SNTG2: variants seen among roughly 807,000 people sequenced by gnomAD.
The protein encoded by SNTG2 is syntrophin gamma 2.
In SNTG2, 74 loss-of-function variants were observed where a neutral mutation model predicts 70.9. That is an observed-to-expected ratio of 1.04 (90% CI 0.86 to 1.27). The LOEUF is 1.27. Ranked by LOEUF, SNTG2 falls within the 50% of genes most tolerant of loss-of-function variation. SNTG2 has a pLI of 0.00. For missense variants in SNTG2, 717 were observed against 690.7 expected, an observed-to-expected ratio of 1.04 and a Z score of -0.43; for synonymous variants, 278 against 273.8, an observed-to-expected ratio of 1.02 and a Z score of -0.15.
chr2:1,081,912 G>T (rs995110825), intron 1 of SNTG2, among the ~76,000 whole-genome samples: 12 of 152,264 alleles, frequency 7.9e-5, no homozygotes, highest in African/African-American at 2.9e-4. Flanking sequence ...ATAGTCACGT[G>T]TGACAGTGTG....
intron 8 of SNTG2, among the ~76,000 whole-genome samples, chr2:1,185,218 G>T (rs1672171843): frequency 6.6e-6 from 1 of 152,210 alleles, no homozygotes; most frequent in East Asian, 1.9e-4. Flanking sequence ...GCCTTGGGCA[G>T]CCCCACTGCT....
chr2:1,198,421 C>G (rs976269488), intron 8 of SNTG2, among the ~76,000 whole-genome samples: 2 of 150,990 alleles, frequency 1.3e-5, no homozygotes, highest in African/African-American at 4.9e-5. Context: ...AAAAACAGGA[C>G]TAAGTGGAAA....
At chr2:959,671 A>G (rs546559284) in intron 1 of SNTG2, among the ~76,000 whole-genome samples, 50 of 149,740 alleles carry the variant, frequency 3.3e-4, no homozygotes, top group African/African-American at 1.1e-3. Context: ...GTGTCACAGA[A>G]TTGCATCGTG....
intron 10 of SNTG2, among the ~76,000 whole-genome samples, chr2:1,239,210 G>C (rs1439883343): frequency 6.6e-6 from 1 of 152,214 alleles, no homozygotes; most frequent in Non-Finnish European, 1.5e-5. Context: ...AGAGAAGTCA[G>C]ACACCCCAAT....
chr2:1,068,734 G>A (rs1663322080), intron 1 of SNTG2, among the ~76,000 whole-genome samples: 2 of 152,158 alleles, frequency 1.3e-5, no homozygotes, highest in Non-Finnish European at 2.9e-5. Context: ...GAAACACATA[G>A]CACAGAAGTT....
intron 8 of SNTG2, among the ~76,000 whole-genome samples, chr2:1,179,046 C>T (rs1219850281): frequency 2.6e-5 from 4 of 152,024 alleles, no homozygotes; most frequent in Non-Finnish European, 4.4e-5. Context: ...GTGTATGTGT[C>T]GAGGAATTTA....
chr2:990,914 A>G (rs1661470625), intron 1 of SNTG2, among the ~76,000 whole-genome samples: 1 of 151,648 alleles, frequency 6.6e-6, no homozygotes, highest in South Asian at 2.1e-4. Flanking sequence ...TTAACTCTTT[A>G]TTTTTGCAGG....
intron 16 of SNTG2, among the ~76,000 whole-genome samples, chr2:1,316,642 T>C (rs1263355183): frequency 4.0e-5 from 2 of 50,404 alleles, no homozygotes; most frequent in East Asian, 4.7e-4. Flanking sequence ...TGATTAAGCA[T>C]CTGAAATCCG....
chr2:963,166 TAACATTAAC>T (rs916205307), intron 1 of SNTG2, among the ~76,000 whole-genome samples: 33 of 152,288 alleles, frequency 2.2e-4, no homozygotes, highest in African/African-American at 7.9e-4. Flanking sequence ...TGAAAGTGAT[TAACATTAAC>T]ATCATTAACA....
At chr2:1,289,676 G>A (rs936229172) in intron 14 of SNTG2, among the ~76,000 whole-genome samples, 5 of 152,172 alleles carry the variant, frequency 3.3e-5, no homozygotes, top group African/African-American at 4.8e-5. Context: ...ACACTTTAAA[G>A]TATACAGTGC....
At chr2:1,167,250 C>A (rs1449699951) in intron 7 of SNTG2, among the ~76,000 whole-genome samples, 1 of 150,498 alleles carries the variant, frequency 6.6e-6, no homozygotes, top group Admixed American at 6.6e-5. Context: ...GACGACAGAA[C>A]TGAAACCAAC....
chr2:1,217,027 C>A (rs1007541868), intron 9 of SNTG2, among the ~76,000 whole-genome samples: 1 of 152,134 alleles, frequency 6.6e-6, no homozygotes, highest in Admixed American at 6.5e-5. Flanking sequence ...AGGGGGACTT[C>A]CCATTCCACC....
At chr2:1,251,937 A>T (rs1232506336) in intron 12 of SNTG2, among the ~76,000 whole-genome samples, 1 of 152,226 alleles carries the variant, frequency 6.6e-6, no homozygotes, top group African/African-American at 2.4e-5. Flanking sequence ...GAACTGTGGG[A>T]TGTACTCATT....
chr2:951,123 G>A (rs1374332423), intron 1 of SNTG2, 55 bp downstream of exon 1: 14 of 838,288 alleles, frequency 1.7e-5, no homozygotes, highest in Non-Finnish European at 2.1e-5. Context: ...CCTCTCCTTC[G>A]CGCCCTTCTC....
intron 1 of SNTG2, chr2:1,059,318 C>T (rs1332284085): frequency 6.6e-6 from 1 of 151,516 alleles, no homozygotes; most frequent in Non-Finnish European, 1.5e-5. Context: ...CCAAATATCA[C>T]AGGTCCTTCT....
intron 1 of SNTG2, 96 bp from the exon 2 acceptor site, chr2:1,083,422 T>A (rs1038813437): frequency 7.4e-7 from 1 of 1,346,458 alleles, no homozygotes; most frequent in Non-Finnish European, 1.0e-6. Flanking sequence ...CACGTGCATT[T>A]TAGGATTGTC....
At chr2:1,184,770 T>G (rs997808199) in intron 8 of SNTG2, among the ~76,000 whole-genome samples, 1 of 152,150 alleles carries the variant, frequency 6.6e-6, no homozygotes, top group Non-Finnish European at 1.5e-5. Context: ...GGATTACAAT[T>G]CAACATGAGA....
At chr2:1,047,986 A>C (rs1325735500) in intron 1 of SNTG2, among the ~76,000 whole-genome samples, 1 of 151,472 alleles carries the variant, frequency 6.6e-6, no homozygotes, top group Non-Finnish European at 1.5e-5. Flanking sequence ...ATCTATTCCT[A>C]CTTTGCAAGG....
intron 15 of SNTG2, among the ~76,000 whole-genome samples, chr2:1,314,532 C>A (rs1227191920): frequency 6.6e-6 from 1 of 152,222 alleles, no homozygotes; most frequent in African/African-American, 2.4e-5. Context: ...AGCTCCCTCA[C>A]TGGGACAGGC....
Sources: gnomAD v4.1 joint callset for allele counts (sites outside exome capture counted in the v4.1 genomes callset) on GRCh38, gnomAD v4.1.1 for gene constraint, MANE v1.5 for transcripts, NCBI Gene and HGNC (gene_info 2026-07-23, HGNC 2026-07-21) for gene names.